Variants in HECW1 observed in about 807,000 individuals in gnomAD.
The protein encoded by HECW1 is E3 ubiquitin-protein ligase HECW1.
HECW1 carries 61 observed loss-of-function variants against 182.3 expected under a neutral mutation model. The ratio of observed to expected loss-of-function variants is 0.33; its 90% confidence interval spans 0.27 to 0.41. The LOEUF is 0.41. HECW1 is among the 10% of genes least tolerant of loss of function. The pLI is 1.00. For missense variants in HECW1, 1,739 were observed against 2,108.9 expected, an observed-to-expected ratio of 0.82 and a Z score of 3.44; for synonymous variants, 859 against 832.6, an observed-to-expected ratio of 1.03 and a Z score of -0.55.
At chr7:43,452,867 G>T (rs1029602536) in intron 12 of HECW1, among the ~76,000 whole-genome samples, 1 of 152,174 alleles carries the variant, frequency 6.6e-6, no homozygotes, top group Non-Finnish European at 1.5e-5. Context: ...TGGGCAGGAA[G>T]AGCTTTGCAG....
intron 6 of HECW1, among the ~76,000 whole-genome samples, chr7:43,367,189 T>G (rs1816758691): frequency 6.6e-6 from 1 of 152,230 alleles, no homozygotes; most frequent in Non-Finnish European, 1.5e-5. Flanking sequence ...CCATTGTATT[T>G]TGGGAAAGTG....
chr7:43,127,377 G>A (rs1786364603), intron 2 of HECW1, among the ~76,000 whole-genome samples: 1 of 152,022 alleles, frequency 6.6e-6, no homozygotes, highest in Non-Finnish European at 1.5e-5. Flanking sequence ...TACAAAATTA[G>A]CCAGGTGTGG....
At chr7:43,316,802 C>A in intron 4 of HECW1, among the ~76,000 whole-genome samples, 1 of 132,098 alleles carries the variant, frequency 7.6e-6, no homozygotes, top group Non-Finnish European at 1.6e-5. Context: ...CCTCTCCTCT[C>A]CCGTCCCGTC....
intron 17 of HECW1, among the ~76,000 whole-genome samples, chr7:43,480,781 A>T (rs2078405979): frequency 6.6e-6 from 1 of 152,040 alleles, no homozygotes; most frequent in Non-Finnish European, 1.5e-5. Context: ...AGGGAGAGCC[A>T]GGGAGTTTCT....
rs370231171 is a variant in HECW1 at position 43,493,192 on chromosome 7, C to T, written c.3437+12C>T. 70 of 1,571,640 alleles carry T rather than the reference C, an allele frequency of 4.5e-5. No homozygotes were observed. Among genetic ancestry groups the T allele is most frequent in the Non-Finnish European group, 6.0e-5 (68 of 1,142,476 alleles). On this transcript the variant is annotated intron_variant, in intron 19 of 29. Coordinates refer to ENST00000395891, the MANE Select transcript of HECW1 (RefSeq NM_015052.5). Reference sequence around the variant, plus strand: ...AACCACACACTCAGGTAAGCCTCGCCCCTCACTCCCTGGAACTCTAGGTCT... The same window carrying T: ...AACCACACACTCAGGTAAGCCTCGCTCCTCACTCCCTGGAACTCTAGGTCT...
At chr7:43,236,491 T>A (rs749745053) in intron 2 of HECW1, among the ~76,000 whole-genome samples, 1 of 152,132 alleles carries the variant, frequency 6.6e-6, no homozygotes, top group Non-Finnish European at 1.5e-5. Flanking sequence ...TAGGGAGACA[T>A]GAGACGTCAA....
chr7:43,402,549 A>T (rs888651231), intron 7 of HECW1, among the ~76,000 whole-genome samples: 2 of 152,228 alleles, frequency 1.3e-5, no homozygotes, highest in Non-Finnish European at 2.9e-5. Context: ...CCTCAGGTTT[A>T]TAAGGGCTCA....
intron 3 of HECW1, among the ~76,000 whole-genome samples, chr7:43,264,634 A>G (rs1446453959): frequency 2.0e-5 from 3 of 152,096 alleles, no homozygotes; most frequent in Non-Finnish European, 1.5e-5. Context: ...TCACAAGGTC[A>G]GGAGACCAAG....
chr7:43,201,229 A>G (rs1329385540), intron 2 of HECW1, among the ~76,000 whole-genome samples: 5 of 152,226 alleles, frequency 3.3e-5, no homozygotes, highest in Non-Finnish European at 7.3e-5. Context: ...GTGGTGAATT[A>G]GAGGACACTC....
intron 14 of HECW1, among the ~76,000 whole-genome samples, chr7:43,465,999 A>C (rs1584993213): frequency 2.1e-5 from 2 of 97,358 alleles, no homozygotes. Flanking sequence ...GAAGGAAGGA[A>C]GGGGGGAGGA....
chr7:43,278,390 G>A (rs1202363137), intron 3 of HECW1, among the ~76,000 whole-genome samples: 1 of 151,994 alleles, frequency 6.6e-6, no homozygotes, highest in South Asian at 2.1e-4. Context: ...CGGCACATCC[G>A]CAGCTCCCAC....
At chr7:43,169,392 C>T (rs929951024) in intron 2 of HECW1, among the ~76,000 whole-genome samples, 2 of 152,144 alleles carry the variant, frequency 1.3e-5, no homozygotes, top group Non-Finnish European at 2.9e-5. Context: ...CAGTAGCAAC[C>T]CACCCCTCAC....
chr7:43,187,386 G>C (rs1793508588), intron 2 of HECW1, among the ~76,000 whole-genome samples: 1 of 152,146 alleles, frequency 6.6e-6, no homozygotes, highest in African/African-American at 2.4e-5. Context: ...AGAATCTGTG[G>C]ACGTATTTTG....
chr7:43,193,948 A>G lies in HECW1; in HGVS notation c.-31-49927A>G, dbSNP rs547538330. Among the ~76,000 whole-genome samples, 5 of 152,364 alleles carry G rather than the reference A, an allele frequency of 3.3e-5. No homozygotes were observed. The South Asian group carries it at 8.3e-4, about 25-fold the overall frequency. On this transcript the variant is annotated intron_variant, in intron 2 of 29. Coordinates refer to ENST00000395891, the MANE Select transcript of HECW1 (RefSeq NM_015052.5). ...TGCAGGGCCATTTCAAAATATGTCA[A>G]AAAAGATATTTTGGAGTAAAATGCT...
At chr7:43,340,924 G>T (rs1812895823) in intron 5 of HECW1, among the ~76,000 whole-genome samples, 1 of 151,766 alleles carries the variant, frequency 6.6e-6, no homozygotes, top group Admixed American at 6.5e-5. Context: ...GTCCATCAAT[G>T]ATAGAGTGGA....
chr7:43,316,723 G>A (rs1809307377), intron 4 of HECW1, among the ~76,000 whole-genome samples: 2 of 96,366 alleles, frequency 2.1e-5, no homozygotes, highest in South Asian at 7.7e-4. Flanking sequence ...GGAGAGTGTG[G>A]CTTGGCCCAC....
At chr7:43,260,865 A>T (rs1286419835) in intron 3 of HECW1, among the ~76,000 whole-genome samples, 1 of 152,186 alleles carries the variant, frequency 6.6e-6, no homozygotes, top group Non-Finnish European at 1.5e-5. Context: ...AGCAAGAATT[A>T]TTTATTTTTA....
intron 2 of HECW1, among the ~76,000 whole-genome samples, chr7:43,174,722 C>A (rs1313351361): frequency 6.6e-6 from 1 of 152,230 alleles, no homozygotes; most frequent in African/African-American, 2.4e-5. Context: ...ATTTTGTTTC[C>A]TTTTTGGGGG....
At chr7:43,226,506 T>A (rs1162400705) in intron 2 of HECW1, among the ~76,000 whole-genome samples, 1 of 152,182 alleles carries the variant, frequency 6.6e-6, no homozygotes, top group Non-Finnish European at 1.5e-5. Context: ...TTTCATCTCG[T>A]GGAAGTAAGA....
Sources: allele counts gnomAD v4.1 joint callset (sites outside exome capture counted in the v4.1 genomes callset), GRCh38; gene constraint gnomAD v4.1.1; transcripts MANE v1.5; gene names NCBI Gene and HGNC (gene_info 2026-07-23, HGNC 2026-07-21).